Variants in NUP214 observed in about 807,000 individuals in gnomAD.
NUP214 encodes the protein nucleoporin 214, also known as nuclear pore complex protein Nup214.
NUP214 carries 79 observed loss-of-function variants against 196.2 expected under a neutral mutation model. That is an observed-to-expected ratio of 0.40 (90% confidence interval 0.34 to 0.49). The LOEUF is 0.49. Among genes scored for constraint, NUP214 ranks in the 20% least tolerant of loss-of-function variants. The probability of loss-of-function intolerance (pLI) is 0.58; values close to 1 mark genes in which losing one functional copy is unlikely to be tolerated. For synonymous variants in NUP214, 1,020 were observed against 990.5 expected (o/e 1.03, Z -0.56); for missense variants, 2,468 against 2,539.0 (o/e 0.97, Z 0.60).
chr9:131,147,386 G>C (rs932693031), intron 13 of NUP214, 104 bp from the exon 14 acceptor site: 8 of 808,606 alleles, frequency 9.9e-6, no homozygotes, highest in African/African-American at 1.7e-5. Flanking sequence ...TGGGCCAGGG[G>C]CAATGTGTAA....
intron 2 of NUP214, 114 bp downstream of exon 2, chr9:131,127,833 A>G (rs1831410058): frequency 1.3e-6 from 1 of 770,058 alleles, no homozygotes. Context: ...GTCAGTTTGA[A>G]GGTTGACTCC....
Position 131,198,639 on chromosome 9 carries a change from C to T in NUP214, c.5145C>T (p.Thr1715=). 16 of 1,614,226 alleles carry T rather than the reference C, an allele frequency of 9.9e-6. No homozygotes were observed. The highest frequency in any genetic ancestry group is 1.4e-5 in the Non-Finnish European group (16 of 1,180,034). ...SSGFSSPAFG[T]TAPGVFGQTT... ...GGTTTAGCAGCCCAGCTTTTGGTACCACAGCCCCAGGGGTCTTTGGACAGA... is the reference window on the plus strand; with the variant it reads ...GGTTTAGCAGCCCAGCTTTTGGTACTACAGCCCCAGGGGTCTTTGGACAGA... Residue 1715 remains threonine (T), a synonymous_variant, in exon 29 of 36, where the codon ACC becomes ACT. Transcript: ENST00000359428.
In NUP214 at chr9:131,134,192, C is replaced by T. The variant is rs79788178; in HGVS notation, c.832-706C>T. 6.3e-4 allele frequency among the ~76,000 whole-genome samples: 96 copies of T among 152,258 alleles called. 3 individuals carry two copies. The East Asian group carries it at 0.016, about 25-fold the overall frequency. ...GACTCCTGGCTTTAAGCAGTTCTCC[C>T]GCCTCATCTCTCAGAGCACTAGGAT... On this transcript the variant is annotated intron_variant, in intron 7 of 35. Transcript: ENST00000359428.
intron 9 of NUP214, among the ~76,000 whole-genome samples, chr9:131,138,652 C>T (rs117471567): frequency 0.02 from 3,020 of 152,276 alleles, 43 homozygotes; most frequent in Non-Finnish European, 0.029. Flanking sequence ...CAGAGCCTAT[C>T]CAAGCACACT....
In NUP214 at chr9:131,128,378, T is replaced by C; in HGVS notation, c.288T>C (p.His96=). 1 of 1,613,440 alleles carries C rather than the reference T, an allele frequency of 6.2e-7. No individual in the cohort carries two copies. The highest frequency in any genetic ancestry group is 8.5e-7 in the Non-Finnish European group (1 of 1,179,524). The change falls in exon 3 of 36, where the codon CAT becomes CAC. Residue 96 remains histidine (H), a synonymous_variant. Coordinates refer to ENST00000359428, the MANE Select transcript of NUP214 (RefSeq NM_005085.4). ...GLLVPMKFPI[H]HLALSCDNLT... is the part of the protein sequence containing the mutation. Reference sequence around the variant, plus strand: ...TAGTTCCTATGAAATTCCCAATCCATCACCTGGCCTTGAGCTGTGATAACC... The same window carrying C: ...TAGTTCCTATGAAATTCCCAATCCACCACCTGGCCTTGAGCTGTGATAACC...
chr9:131,225,860 A>C (rs1225091549), intron 32 of NUP214, among the ~76,000 whole-genome samples: 1 of 152,194 alleles, frequency 6.6e-6, no homozygotes, highest in Non-Finnish European at 1.5e-5. Context: ...CCCTTCAGTA[A>C]AATTGCATTA....
At chr9:131,150,545 G>T (rs1266911635) in intron 15 of NUP214, 71 bp from the exon 16 acceptor site, 1 of 1,590,876 alleles carries the variant, frequency 6.3e-7, no homozygotes, top group Admixed American at 1.7e-5. Flanking sequence ...TGAGCAGTTA[G>T]TAAGCACGAT....
chr9:131,163,372 G>T, intron 19 of NUP214, 199 bp downstream of exon 19: 1 of 553,506 alleles, frequency 1.8e-6, no homozygotes, highest in African/African-American at 1.9e-5. Flanking sequence ...TCGTGGGATT[G>T]TTGGAGAGTT....
chr9:131,174,041 T>C lies in NUP214; in HGVS notation c.2894-14T>C, dbSNP rs772604167. On this transcript the variant is annotated splice_polypyrimidine_tract_variant and intron_variant, in intron 21 of 35. Transcript: ENST00000359428. ...TGAGTTGTCTAAATTGTGTTTTGTT[T>C]GGGGCTTTTGTAGCCAGCCTGTCTC... is the stretch of plus-strand genomic sequence containing the variant. The C allele has an allele frequency of 1.9e-6, 3 of 1,610,956 alleles. No homozygotes were observed. The South Asian group carries it at 3.3e-5, about 18-fold the overall frequency.
intron 28 of NUP214, 129 bp downstream of exon 28, chr9:131,195,423 T>G: frequency 1.4e-6 from 1 of 712,152 alleles, no homozygotes; most frequent in Non-Finnish European, 2.5e-6. Context: ...AAGCTCAGTG[T>G]TGATAATGTG....
At position 131,144,450 on chromosome 9, in the gene NUP214, T is replaced by A. The variant is rs746444770; in HGVS notation, c.1465T>A (p.Leu489Met). 1.9e-6 allele frequency: 3 copies of A among 1,614,202 alleles called. No individual in the cohort carries two copies. Among genetic ancestry groups the A allele is most frequent in the Non-Finnish European group, 2.5e-6 (3 of 1,180,034 alleles). Residue 489 changes from leucine (L) to methionine (M), a missense_variant, in exon 12 of 36, where the codon TTG becomes ATG. Physicochemically the swap from Leu to Met is conservative, Grantham distance 15 (BLOSUM62 2). Transcript: ENST00000359428. ...PTVFSFGSSS[L>M]KSSATVTGEP... ...TGTGTTCTCCTTTGGTTCTTCATCT[T>A]TGAAGTCATCTGCTACGGTCACTGG...
chr9:131,130,193 G>C (rs945462596), intron 4 of NUP214, among the ~76,000 whole-genome samples: 3 of 130,600 alleles, frequency 2.3e-5, no homozygotes, highest in Non-Finnish European at 4.7e-5. Context: ...GCCCAGGCTG[G>C]AGTGCAGTGG....
At chr9:131,211,399 A>G (rs990244912) in intron 30 of NUP214, among the ~76,000 whole-genome samples, 6 of 152,212 alleles carry the variant, frequency 3.9e-5, no homozygotes, top group Non-Finnish European at 7.3e-5. Flanking sequence ...CTCTTTATGT[A>G]TAGGTTCCTC....
chr9:131,178,287 T>C, intron 23 of NUP214, 24 bp from the exon 24 acceptor site: 1 of 1,559,276 alleles, frequency 6.4e-7, no homozygotes, highest in Non-Finnish European at 8.8e-7. Flanking sequence ...TAATATGGTG[T>C]TCTCTCTTCT....
Position 131,163,925 on chromosome 9 carries a change from T to A in NUP214, c.2779T>A (p.Ser927Thr), listed in dbSNP as rs1435333960. 1 of 1,614,122 alleles carries A rather than the reference T, an allele frequency of 6.2e-7. No individual in the cohort carries two copies. The highest frequency in any genetic ancestry group is 8.5e-7 in the Non-Finnish European group (1 of 1,179,996). The part of the protein sequence containing the change: ...CNALLKTTIE[S>T]HTKSLPKVPA... ...TGCTTTGTTGAAAACCACCATAGAA[T>A]CTCACACCAAATCCTTGCCCAAAGT... Residue 927 changes from serine (S) to threonine (T), a missense_variant, in exon 20 of 36, where the codon TCT becomes ACT. Around this residue, in one of 5 missense-constraint regions of NUP214, gnomAD observed 1,801 missense variants for 1,779.4 expected, o/e 1.01. Coordinates refer to ENST00000359428, the MANE Select transcript of NUP214 (RefSeq NM_005085.4).
intron 9 of NUP214, among the ~76,000 whole-genome samples, chr9:131,137,650 A>C (rs1831775676): frequency 6.7e-6 from 1 of 149,662 alleles, no homozygotes; most frequent in Admixed American, 6.8e-5. Flanking sequence ...TCCCTGGTTC[A>C]AGCGATTCTC....
intron 15 of NUP214, 38 bp from the exon 16 acceptor site, chr9:131,150,578 C>G (rs971958491): frequency 8.1e-6 from 13 of 1,605,704 alleles, no homozygotes; most frequent in Non-Finnish European, 1.1e-5. Context: ...ACTGTTTGTC[C>G]TTCAGACTGA....
At chr9:131,205,564 C>T (rs1213015302) in intron 30 of NUP214, among the ~76,000 whole-genome samples, 1 of 152,162 alleles carries the variant, frequency 6.6e-6, no homozygotes, top group East Asian at 1.9e-4. Context: ...TTCTTAATAG[C>T]TAAACACAGG....
Position 131,146,821 on chromosome 9 carries a change from T to G in NUP214, c.1945+517T>G, listed in dbSNP as rs2133500258. 6.6e-6 allele frequency among the ~76,000 whole-genome samples: 1 copy of G among 151,712 alleles called. No homozygotes were observed. The highest frequency in any genetic ancestry group is 2.4e-5 in the African/African-American group (1 of 41,332). On this transcript the variant is annotated intron_variant, in intron 13 of 35. Coordinates refer to ENST00000359428, the MANE Select transcript of NUP214 (RefSeq NM_005085.4). The surrounding 1 kb of genome is among the most constrained non-coding windows in gnomAD (Gnocchi z 4.6). ...GGTGGGTGCCTGTAATCCCAGCTAC[T>G]CAGGAGGCTGAGGCGGGAGAATCAC... is the stretch of plus-strand genomic sequence containing the variant.
Sources: gnomAD v4.1 joint callset for allele counts (sites outside exome capture counted in the v4.1 genomes callset) on GRCh38, gnomAD v4.1.1 for gene constraint, gnomAD v4.1.1 regional missense constraint, Gnocchi (gnomAD v3.1) non-coding constraint, MANE v1.5 for transcripts, NCBI Gene and HGNC (gene_info 2026-07-23, HGNC 2026-07-21) for gene names.